Variants in WSCD2 observed in about 807,000 individuals in gnomAD.
WSCD2 encodes the protein WSC domain sialate O sulfotransferase 2, also known as sialate:O-sulfotransferase 2.
A neutral mutation model predicts 55.7 loss-of-function variants in WSCD2; 28 were observed. The observed-to-expected ratio is 0.50, with a 90% confidence interval of 0.37 to 0.69. The LOEUF is 0.69. WSCD2 is among the 30% of genes least tolerant of loss of function. The probability of loss-of-function intolerance (pLI) is 0.00; values close to 1 mark genes in which losing one functional copy is unlikely to be tolerated. For missense variants in WSCD2, 616 were observed against 762.1 expected (o/e 0.81, Z 2.26); for synonymous variants, 301 against 301.9 (o/e 1.00, Z 0.03).
At chr12:108,201,464 C>CA (rs1884666875) in intron 2 of WSCD2, among the ~76,000 whole-genome samples, 1 of 140,010 alleles carries the variant, frequency 7.1e-6, no homozygotes, top group Non-Finnish European at 1.5e-5. Context: ...AATAAGGCCA[C>CA]ATTCTAAGGA....
chr12:108,133,294 G>A (rs553798557), intron 1 of WSCD2, among the ~76,000 whole-genome samples: 2 of 152,252 alleles, frequency 1.3e-5, no homozygotes, highest in Admixed American at 1.3e-4. Flanking sequence ...GTATTTCTGT[G>A]TGTTCCAGTG....
intron 8 of WSCD2, 71 bp from the exon 9 acceptor site, chr12:108,247,920 G>T: frequency 1.3e-6 from 2 of 1,501,912 alleles, no homozygotes; most frequent in East Asian, 4.5e-5. Context: ...GGTAACCACT[G>T]CCAGCACCAT....
At position 108,210,655 on chromosome 12, in the gene WSCD2, TG is replaced by T. The variant is rs1886034929; in HGVS notation, c.682+352del. ...AGACTGTCTCTAATGATGATGATGGTGGTAATGGCAATAGCAAACACTTTGT... is the reference window on the plus strand; with the variant it reads ...AGACTGTCTCTAATGATGATGATGGTGTAATGGCAATAGCAAACACTTTGT... On this transcript the variant is annotated intron_variant, in intron 4 of 8. Transcript: ENST00000547525. This position sits in a 1 kb window ranked among gnomAD's most constrained non-coding sequence, Gnocchi z 4.3. Among the ~76,000 whole-genome samples, 1 of 152,210 alleles carries T rather than the reference TG, an allele frequency of 6.6e-6. No homozygotes were observed. Among genetic ancestry groups the T allele is most frequent in the Admixed American group, 6.5e-5 (1 of 15,286 alleles).
intron 1 of WSCD2, among the ~76,000 whole-genome samples, chr12:108,184,449 C>T (rs868819374): frequency 6.6e-6 from 1 of 152,178 alleles, no homozygotes; most frequent in Non-Finnish European, 1.5e-5. Flanking sequence ...GTGCTGTCAC[C>T]GTTCCTAAAT....
chr12:108,132,329 GGT>G (rs1875648471), intron 1 of WSCD2, among the ~76,000 whole-genome samples: 2 of 151,900 alleles, frequency 1.3e-5, no homozygotes, highest in Admixed American at 6.6e-5. Flanking sequence ...GGTAGAGTAA[GGT>G]GTGTGTGTGG....
At chr12:108,192,833 C>A (rs1173487846) in intron 1 of WSCD2, among the ~76,000 whole-genome samples, 1 of 152,136 alleles carries the variant, frequency 6.6e-6, no homozygotes, top group Non-Finnish European at 1.5e-5. Context: ...AGTTGCAGAC[C>A]CTCACTTCCC....
chr12:108,240,599 C>A, intron 8 of WSCD2, 55 bp downstream of exon 8: 2 of 118,282 alleles, frequency 1.7e-5, no homozygotes, highest in South Asian at 1.1e-4. Context: ...CTGCAGGGGG[C>A]GGTGGGAGGG....
At chr12:108,178,532 AT>A (rs1881208032) in intron 1 of WSCD2, among the ~76,000 whole-genome samples, 1 of 152,220 alleles carries the variant, frequency 6.6e-6, no homozygotes, top group African/African-American at 2.4e-5. Flanking sequence ...ATCTGTCAAG[AT>A]GTAAACTATG....
intron 2 of WSCD2, chr12:108,196,481 A>C: frequency 4.3e-6 from 2 of 460,730 alleles, no homozygotes; most frequent in East Asian, 3.8e-5. Context: ...TCAAAGTCTG[A>C]CTCTCCCCTG....
chr12:108,231,552 A>T (rs940113863), intron 6 of WSCD2, among the ~76,000 whole-genome samples: 1 of 152,232 alleles, frequency 6.6e-6, no homozygotes, highest in African/African-American at 2.4e-5. Flanking sequence ...AGAGAAAAAT[A>T]ATATCTATGC....
chr12:108,237,270 G>A (rs2374976), intron 7 of WSCD2, among the ~76,000 whole-genome samples: 86,024 of 152,080 alleles, frequency 0.57, 24,586 homozygotes, highest in East Asian at 0.75. Flanking sequence ...GTTTGGAAGA[G>A]AGAAGGGAAA....
chr12:108,207,115 T>C (rs1000390014), intron 3 of WSCD2, among the ~76,000 whole-genome samples: 2 of 152,030 alleles, frequency 1.3e-5, no homozygotes, highest in Non-Finnish European at 2.9e-5. Flanking sequence ...GTTTTGAGAG[T>C]GGACAAGTCC....
At chr12:108,163,076 G>A (rs1383903369) in intron 1 of WSCD2, among the ~76,000 whole-genome samples, 1 of 152,182 alleles carries the variant, frequency 6.6e-6, no homozygotes, top group Non-Finnish European at 1.5e-5. Flanking sequence ...ATAAGTGGTA[G>A]GTCATCAGCT....
At chr12:108,224,922 A>G in intron 5 of WSCD2, 62 bp downstream of exon 5, 1 of 1,574,036 alleles carries the variant, frequency 6.4e-7, no homozygotes, top group South Asian at 1.2e-5. Context: ...GAGCTGCAGG[A>G]ACCACATGCT....
At chr12:108,232,593 C>A (rs1353125376) in intron 6 of WSCD2, 138 bp from the exon 7 acceptor site, 2 of 796,538 alleles carry the variant, frequency 2.5e-6, no homozygotes, top group Non-Finnish European at 3.9e-6. Flanking sequence ...AGGAAGCTTT[C>A]CCATGACCCA....
chr12:108,139,812 C>A (rs547544162), intron 1 of WSCD2, among the ~76,000 whole-genome samples: 1 of 152,180 alleles, frequency 6.6e-6, no homozygotes, highest in Admixed American at 6.5e-5. Context: ...TGGGACATGG[C>A]AGGTTTTAAA....
At chr12:108,217,062 T>C (rs1217534572) in intron 4 of WSCD2, among the ~76,000 whole-genome samples, 1 of 152,246 alleles carries the variant, frequency 6.6e-6, no homozygotes, top group South Asian at 2.1e-4. Flanking sequence ...GACACTGTTG[T>C]AAATGCCATC....
At chr12:108,166,779 T>TTCTTTCTTTCTTTCTG (rs1469140178) in intron 1 of WSCD2, among the ~76,000 whole-genome samples, 1 of 148,640 alleles carries the variant, frequency 6.7e-6, no homozygotes, top group Non-Finnish European at 1.5e-5. Context: ...CTTTCTTTCT[T>TTCTTTCTTTCTTTCTG]TCTTTCTTTC....
chr12:108,186,260 C>T (rs1319643737), intron 1 of WSCD2, among the ~76,000 whole-genome samples: 4 of 152,132 alleles, frequency 2.6e-5, no homozygotes, highest in African/African-American at 9.7e-5. Context: ...ACAGAAAGTT[C>T]CCATATAACC....
Sources: allele counts gnomAD v4.1 joint callset (sites outside exome capture counted in the v4.1 genomes callset), GRCh38; gene constraint gnomAD v4.1.1; non-coding constraint Gnocchi (gnomAD v3.1); transcripts MANE v1.5; gene names NCBI Gene and HGNC (gene_info 2026-07-23, HGNC 2026-07-21).